Variants in LY75 observed in about 807,000 individuals in gnomAD.
LY75 encodes lymphocyte antigen 75.
In LY75, 185 loss-of-function variants were observed where a neutral mutation model predicts 231.7. That is an observed-to-expected ratio of 0.80 (90% CI 0.71 to 0.90). The LOEUF is 0.90. LY75 is among the 40% of genes least tolerant of loss of function. The pLI, the probability that LY75 is intolerant of heterozygous loss-of-function variation, is 0.00. For missense variants in LY75, 1,947 were observed against 2,050.2 expected, an observed-to-expected ratio of 0.95 and a Z score of 0.97; for synonymous variants, 668 against 689.0, an observed-to-expected ratio of 0.97 and a Z score of 0.48.
chr2:159,825,467 T>C (rs1166081952), intron 28 of LY75, among the ~76,000 whole-genome samples: 1 of 152,198 alleles, frequency 6.6e-6, no homozygotes, highest in Non-Finnish European at 1.5e-5. Context: ...CAGTAATTAA[T>C]AGCCTACCAA....
intron 28 of LY75, among the ~76,000 whole-genome samples, chr2:159,827,646 G>A (rs1683514314): frequency 1.3e-5 from 2 of 152,164 alleles, no homozygotes; most frequent in South Asian, 4.1e-4. Flanking sequence ...CCACTATAAA[G>A]ATGTATGCAC....
Position 159,882,124 on chromosome 2 carries a change from C to T in LY75, c.1246G>A (p.Asp416Asn). 3 of 1,609,594 alleles carry T rather than the reference C, an allele frequency of 1.9e-6. No individual in the cohort carries two copies. Among genetic ancestry groups the T allele is most frequent in the East Asian group, 2.2e-5 (1 of 44,720 alleles). Reference sequence around the variant, plus strand: ...AAATAGGGTATTTTTAAAAACTTACCCTCATTATGGAGTTTTGTGACAACC... The same window carrying T: ...AAATAGGGTATTTTTAAAAACTTACTCTCATTATGGAGTTTTGTGACAACC... The part of the protein sequence containing the change: ...EVVVTKLHNE[D>N]IKEEVWIGLK... The change falls in exon 7 of 35, where the codon GAT becomes AAT. Residue 416 changes from aspartate (D) to asparagine (N), a missense_variant and splice_region_variant. Coordinates refer to ENST00000263636, the MANE Select transcript of LY75 (RefSeq NM_002349.4).
Position 159,805,847 on chromosome 2 carries a change from C to T in LY75, c.4991-625G>A, listed in dbSNP as rs538966814. Among the ~76,000 whole-genome samples the T allele has an allele frequency of 3.3e-5, 5 of 152,166 alleles. No homozygotes were observed. The East Asian group carries it at 5.8e-4, about 18-fold the overall frequency. The stretch of plus-strand genomic sequence containing the variant: ...ACACCCTAACTCTGCTCCCACCCAA[C>T]CCCCCAAATCTTCCAGTTGCTTTCC... On this transcript the variant is annotated intron_variant, in intron 34 of 34. Coordinates refer to ENST00000263636, the MANE Select transcript of LY75 (RefSeq NM_002349.4).
rs370794967 is a variant in LY75 at position 159,887,211 on chromosome 2, T to TCACACACACACACACA, written c.803-697_803-682dup. 7.4e-3 allele frequency among the ~76,000 whole-genome samples: 964 copies of TCACACACACACACACA among 129,954 alleles called. 15 individuals carry two copies. Among genetic ancestry groups the TCACACACACACACACA allele is most frequent in the Non-Finnish European group, 0.011 (709 of 62,082 alleles). 85.3% of individuals were successfully genotyped at this position (129,954 alleles called of 152,430 possible). On this transcript the variant is annotated intron_variant, in intron 4 of 34. Coordinates refer to ENST00000263636, the MANE Select transcript of LY75 (RefSeq NM_002349.4). ...TAGAGATACAGAATGAGAGTGAGAG[T>TCACACACACACACACA]CACACACACACACACACACACACAC...
At chr2:159,866,092 T>G (rs1301975232) in intron 13 of LY75, among the ~76,000 whole-genome samples, 1 of 152,168 alleles carries the variant, frequency 6.6e-6, no homozygotes, top group Non-Finnish European at 1.5e-5. Flanking sequence ...TATATAAATG[T>G]AATATGCCTG....
intron 11 of LY75, 114 bp downstream of exon 11, chr2:159,878,210 C>A: frequency 7.1e-7 from 1 of 1,402,342 alleles, no homozygotes; most frequent in East Asian, 2.3e-5. Flanking sequence ...AGACTCCAAT[C>A]CTGAAGATCA....
intron 12 of LY75, among the ~76,000 whole-genome samples, chr2:159,873,191 G>A (rs1685071462): frequency 6.6e-6 from 1 of 152,140 alleles, no homozygotes; most frequent in African/African-American, 2.4e-5. Context: ...GGAGGAGGCA[G>A]AGGAGGAAGA....
chr2:159,813,021 C>T (rs1401740401), intron 31 of LY75, among the ~76,000 whole-genome samples: 1 of 152,228 alleles, frequency 6.6e-6, no homozygotes, highest in Non-Finnish European at 1.5e-5. Flanking sequence ...CAGCATGCAT[C>T]AGCATTTCCT....
chr2:159,843,600 C>T (rs79054007), intron 23 of LY75, among the ~76,000 whole-genome samples: 4,613 of 151,786 alleles, frequency 0.03, 100 homozygotes, highest in Non-Finnish European at 0.048. Context: ...TTAGAGCTTG[C>T]AGATAAGAAA....
At chr2:159,872,273 T>C (rs1205205506) in intron 13 of LY75, 178 bp downstream of exon 13, 1 of 683,564 alleles carries the variant, frequency 1.5e-6, no homozygotes, top group Non-Finnish European at 2.3e-6. Flanking sequence ...AGATTCCTCA[T>C]AGTGTCTGCA....
intron 14 of LY75, among the ~76,000 whole-genome samples, chr2:159,863,014 C>CTT (rs542539715): frequency 2.8e-5 from 4 of 142,296 alleles, no homozygotes; most frequent in Non-Finnish European, 4.6e-5. Flanking sequence ...CTATGAGATC[C>CTT]TTTTTTTTTT....
chr2:159,889,403 T>G (rs1364946882), intron 4 of LY75, among the ~76,000 whole-genome samples: 2 of 152,044 alleles, frequency 1.3e-5, no homozygotes, highest in African/African-American at 4.8e-5. Flanking sequence ...AAAAAAAATT[T>G]TTTTTTTTGT....
intron 6 of LY75, among the ~76,000 whole-genome samples, chr2:159,884,733 C>A (rs950526378): frequency 9.2e-5 from 14 of 152,104 alleles, no homozygotes; most frequent in African/African-American, 3.4e-4. Flanking sequence ...ATACAGATTG[C>A]TGGACCCCAT....
intron 27 of LY75, 38 bp from the exon 28 acceptor site, chr2:159,831,824 C>G: frequency 6.5e-7 from 1 of 1,533,894 alleles, no homozygotes; most frequent in African/African-American, 1.4e-5. Context: ...TTAACAATTA[C>G]TTATCTAGTA....
chr2:159,848,784 A>T (rs1414819647), intron 23 of LY75, among the ~76,000 whole-genome samples: 1 of 152,170 alleles, frequency 6.6e-6, no homozygotes, highest in Non-Finnish European at 1.5e-5. Context: ...ACTTAAGTGG[A>T]TTTTGGCAAG....
intron 2 of LY75, among the ~76,000 whole-genome samples, chr2:159,898,466 A>T (rs948194725): frequency 5.9e-5 from 9 of 152,224 alleles, no homozygotes; most frequent in African/African-American, 2.2e-4. Context: ...GTGTGACCTC[A>T]GACAAGGCAC....
Position 159,805,069 on chromosome 2 carries a change from A to G in LY75, c.5144T>C (p.Ile1715Thr). Residue 1715 changes from isoleucine (I) to threonine (T), a missense_variant, in exon 35 of 35, where the codon ATT becomes ACT. Physicochemically the swap from Ile to Thr is moderately conservative, Grantham distance 89. Coordinates refer to ENST00000263636, the MANE Select transcript of LY75 (RefSeq NM_002349.4). ...RYAQGVNEDE[I>T]MLPSFHD ...TTAGTCATGGAAAGAAGGAAGCATA[A>G]TCTCATCTTCATTCACTCCTTGTGC... 6.2e-7 allele frequency: 1 copy of G among 1,614,028 alleles called. No homozygotes were observed. The highest frequency in any genetic ancestry group is 8.5e-7 in the Non-Finnish European group (1 of 1,179,934).
Position 159,807,088 on chromosome 2 carries a change from T to C in LY75, c.4875A>G (p.Glu1625=). Reference sequence around the variant, plus strand: ...TTCCAACACCACTCTTACTTTTATTTTCCCATTTGACAAATGTCACTTCTG... The same window carrying C: ...TTCCAACACCACTCTTACTTTTATTCTCCCATTTGACAAATGTCACTTCTG... ...DGSEVTFVKW[E]NKSKSGVGRC... is the part of the protein sequence containing the mutation. The change falls in exon 34 of 35, where the codon GAA becomes GAG. Residue 1625 remains glutamate (E), a synonymous_variant. Coordinates refer to ENST00000263636, the MANE Select transcript of LY75 (RefSeq NM_002349.4). 1.9e-6 allele frequency: 3 copies of C among 1,614,014 alleles called. No individual in the cohort carries two copies. The highest frequency in any genetic ancestry group is 2.5e-6 in the Non-Finnish European group (3 of 1,179,946).
At chr2:159,874,848 A>ATATATATATTTTGTAAATATATATAC (rs1560094273) in intron 12 of LY75, among the ~76,000 whole-genome samples, 1 of 80,114 alleles carries the variant, frequency 1.2e-5, no homozygotes, top group Non-Finnish European at 2.7e-5. Context: ...AATATATGTA[A>ATATATATATTTTGTAAATATATATAC]ATATATATAT....
Sources: allele counts gnomAD v4.1 joint callset (sites outside exome capture counted in the v4.1 genomes callset), GRCh38; gene constraint gnomAD v4.1.1; transcripts MANE v1.5; gene names NCBI Gene and HGNC (gene_info 2026-07-23, HGNC 2026-07-21).